The following IL1RAPL2 variants were observed in gnomAD, a reference collection of about 807,000 sequenced individuals.
The protein encoded by IL1RAPL2 is interleukin 1 receptor accessory protein like 2.
Under a neutral mutation model 44.1 loss-of-function variants are expected in IL1RAPL2, and 3 were observed. That is an observed-to-expected ratio of 0.07 (90% CI 0.03 to 0.18). The LOEUF (loss-of-function observed/expected upper bound fraction) is 0.18. Ranked by LOEUF, IL1RAPL2 falls within the 10% of genes least tolerant of loss-of-function variation. The pLI, the probability that IL1RAPL2 is intolerant of heterozygous loss-of-function variation, is 1.00. For missense variants in IL1RAPL2, 391 were observed against 496.4 expected, an observed-to-expected ratio of 0.79 and a Z score of 2.02; for synonymous variants, 181 against 178.8, an observed-to-expected ratio of 1.01 and a Z score of -0.10.
intron 3 of IL1RAPL2, among the ~76,000 whole-genome samples, chrX:105,216,976 G>A (rs2033864737): frequency 9.1e-6 from 1 of 110,232 alleles, no homozygotes; most frequent in Non-Finnish European, 1.9e-5. Flanking sequence ...AGACTTAAAT[G>A]TTAGACCTAA....
chrX:104,930,985 C>T (rs1471552267), intron 2 of IL1RAPL2, among the ~76,000 whole-genome samples: 2 of 111,032 alleles, frequency 1.8e-5, no homozygotes, highest in Non-Finnish European at 3.8e-5. Flanking sequence ...GACTAAAAAC[C>T]GACAAACAGA....
chrX:105,426,179 T>TTGAA (rs1305169380), intron 5 of IL1RAPL2, among the ~76,000 whole-genome samples: 22 of 110,078 alleles, frequency 2.0e-4, no homozygotes, highest in Middle Eastern at 4.7e-3. Flanking sequence ...GATTGATTGA[T>TTGAA]TGAATGAATG....
At chrX:104,609,409 G>A (rs765342733) in intron 1 of IL1RAPL2, among the ~76,000 whole-genome samples, 1 of 111,954 alleles carries the variant, frequency 8.9e-6, no homozygotes, top group African/African-American at 3.2e-5. Context: ...TGTCTTGCTA[G>A]GTTGGGAAAG....
At chrX:105,062,824 T>A (rs1012099028) in intron 2 of IL1RAPL2, among the ~76,000 whole-genome samples, 1 of 111,661 alleles carries the variant, frequency 9.0e-6, no homozygotes, top group African/African-American at 3.3e-5. Flanking sequence ...CTCCATTGTA[T>A]GTTATTTGTG....
chrX:104,880,135 C>T (rs1013686429), intron 2 of IL1RAPL2, among the ~76,000 whole-genome samples: 5 of 111,189 alleles, frequency 4.5e-5, no homozygotes, highest in East Asian at 2.8e-4. Flanking sequence ...GTCACAATTA[C>T]GCTAGTCATC....
At chrX:105,359,490 A>G (rs1366238548) in intron 5 of IL1RAPL2, among the ~76,000 whole-genome samples, 2 of 111,489 alleles carry the variant, frequency 1.8e-5, no homozygotes, top group East Asian at 5.6e-4. Flanking sequence ...CATTTTATAT[A>G]TGAGGAAAAT....
At chrX:105,749,634 C>T (rs1028409452) in intron 9 of IL1RAPL2, among the ~76,000 whole-genome samples, 2 of 112,035 alleles carry the variant, frequency 1.8e-5, no homozygotes, top group African/African-American at 6.5e-5. Flanking sequence ...CTTATAGCAC[C>T]ATTCTCAAAG....
intron 5 of IL1RAPL2, among the ~76,000 whole-genome samples, chrX:105,368,191 C>T (rs2035310071): frequency 9.0e-6 from 1 of 110,565 alleles, no homozygotes; most frequent in Non-Finnish European, 1.9e-5. Flanking sequence ...TAGATTAGTT[C>T]CTAAGAGAGA....
At chrX:105,721,647 T>C (rs1184199145) in intron 7 of IL1RAPL2, among the ~76,000 whole-genome samples, 3 of 111,293 alleles carry the variant, frequency 2.7e-5, no homozygotes, top group African/African-American at 9.8e-5. Context: ...CATATATACA[T>C]GAGTTGGATA....
At chrX:105,397,525 C>A (rs1055355967) in intron 5 of IL1RAPL2, among the ~76,000 whole-genome samples, 2 of 110,924 alleles carry the variant, frequency 1.8e-5, no homozygotes, top group Admixed American at 9.6e-5. Flanking sequence ...GACAAAACAT[C>A]AATGGAATTT....
chrX:105,605,374 T>C (rs891594387), intron 6 of IL1RAPL2, among the ~76,000 whole-genome samples: 5 of 111,104 alleles, frequency 4.5e-5, no homozygotes, highest in Non-Finnish European at 9.5e-5. Flanking sequence ...ATAAAACACT[T>C]GGGAATAAAT....
chrX:105,066,384 A>G lies in IL1RAPL2; in HGVS notation c.83-129091A>G, dbSNP rs1185271717. Reference sequence around the variant, plus strand: ...TTGAAACAAAACCTACTACAGTAGTACCAACTGTGATAGTGACTAAACTCA... The same window carrying G: ...TTGAAACAAAACCTACTACAGTAGTGCCAACTGTGATAGTGACTAAACTCA... On this transcript the variant is annotated intron_variant, in intron 2 of 10. Transcript: ENST00000372582. 2.7e-5 allele frequency among the ~76,000 whole-genome samples: 3 copies of G among 111,779 alleles called. No individual in the cohort carries two copies. In the Admixed American group the frequency reaches 2.9e-4, roughly 11 times the overall value.
chrX:105,105,193 G>A (rs1366516778), intron 2 of IL1RAPL2, among the ~76,000 whole-genome samples: 2 of 111,936 alleles, frequency 1.8e-5, no homozygotes, highest in African/African-American at 6.5e-5. Context: ...TTGGGAATCA[G>A]CATCTTATTA....
intron 2 of IL1RAPL2, among the ~76,000 whole-genome samples, chrX:104,885,113 T>C (rs1923194471): frequency 8.9e-6 from 1 of 112,002 alleles, no homozygotes; most frequent in East Asian, 2.8e-4. Context: ...CTTGGAGAGA[T>C]GTCATGCTAT....
rs1392857086 is a variant in IL1RAPL2 at position 105,343,313 on chromosome X, T to C, written c.697+75772T>C. ...ATTGTAAATATTTGTAAAAATAGAA[T>C]GAGTTTTAAAAGATTTACCCCACTG... is the stretch of plus-strand genomic sequence containing the variant. On this transcript the variant is annotated intron_variant, in intron 5 of 10. Coordinates refer to ENST00000372582, the MANE Select transcript of IL1RAPL2 (RefSeq NM_017416.2). 7.1e-5 allele frequency among the ~76,000 whole-genome samples: 8 copies of C among 112,452 alleles called. No individual in the cohort carries two copies. In the South Asian group the frequency reaches 2.9e-3, roughly 41 times the overall value.
intron 2 of IL1RAPL2, among the ~76,000 whole-genome samples, chrX:104,678,319 A>G (rs1021242491): frequency 8.0e-5 from 9 of 112,216 alleles, no homozygotes; most frequent in African/African-American, 2.9e-4. Context: ...GGTGGTGAAC[A>G]GTTTTTAAAC....
intron 2 of IL1RAPL2, among the ~76,000 whole-genome samples, chrX:105,126,926 A>G (rs997092309): frequency 1.8e-5 from 2 of 111,396 alleles, no homozygotes; most frequent in African/African-American, 3.2e-5. Flanking sequence ...GCATCACCAC[A>G]TATTACAAGA....
intron 2 of IL1RAPL2, among the ~76,000 whole-genome samples, chrX:104,690,901 T>C (rs1931080737): frequency 8.9e-6 from 1 of 111,978 alleles, no homozygotes; most frequent in African/African-American, 3.2e-5. Flanking sequence ...AGCCAAGCAC[T>C]GATACAAAGG....
chrX:105,059,613 C>G (rs7889498), intron 2 of IL1RAPL2, among the ~76,000 whole-genome samples: 9,350 of 111,173 alleles, frequency 0.084, 1,021 homozygotes, highest in African/African-American at 0.29. Context: ...TCACTGCAAC[C>G]TCTGCCTCCC....
Sources: gnomAD v4.1 joint callset for allele counts (sites outside exome capture counted in the v4.1 genomes callset) on GRCh38, gnomAD v4.1.1 for gene constraint, MANE v1.5 for transcripts, NCBI Gene and HGNC (gene_info 2026-07-23, HGNC 2026-07-21) for gene names.